CLASP1: variants seen among roughly 807,000 people sequenced by gnomAD.
CLASP1 encodes cytoplasmic linker associated protein 1.
CLASP1 carries 38 observed loss-of-function variants against 192.3 expected under a neutral mutation model. The ratio of observed to expected loss-of-function variants is 0.20; its 90% CI spans 0.15 to 0.26. CLASP1 has a LOEUF of 0.26. CLASP1 is among the 10% of genes least tolerant of loss of function. The pLI is 1.00. For missense variants in CLASP1, 1,433 were observed against 1,932.5 expected (o/e 0.74, Z 4.85); for synonymous variants, 691 against 712.8 (o/e 0.97, Z 0.49).
intron 6 of CLASP1, among the ~76,000 whole-genome samples, chr2:121,517,858 C>CTT (rs70954553): frequency 0.011 from 335 of 30,812 alleles, 30 homozygotes; most frequent in South Asian, 0.03. Context: ...AAGACTCAAG[C>CTT]TTTTTTTTTT....
At chr2:121,399,333 G>T (rs1280053117) in intron 28 of CLASP1, among the ~76,000 whole-genome samples, 1 of 152,166 alleles carries the variant, frequency 6.6e-6, no homozygotes, top group Non-Finnish European at 1.5e-5. Context: ...AATCTTTGAA[G>T]ATCTCTTCGG....
At chr2:121,407,979 A>AATC in intron 24 of CLASP1, 1 of 548,376 alleles carries the variant, frequency 1.8e-6, no homozygotes, top group Non-Finnish European at 3.4e-6. Context: ...AGACAGACAG[A>AATC]TCACAACCTT....
At chr2:121,476,971 T>C (rs529827094) in intron 8 of CLASP1, among the ~76,000 whole-genome samples, 35 of 152,386 alleles carry the variant, frequency 2.3e-4, no homozygotes, top group African/African-American at 7.2e-4. Flanking sequence ...GTTTCTGCTA[T>C]CTGCAATTCT....
chr2:121,381,550 A>G (rs766814080), intron 33 of CLASP1, among the ~76,000 whole-genome samples: 5 of 152,116 alleles, frequency 3.3e-5, no homozygotes, highest in Non-Finnish European at 7.3e-5. Flanking sequence ...CTTCTTCCAG[A>G]CTCATAACAT....
chr2:121,581,286 G>C (rs1432649729), intron 2 of CLASP1, among the ~76,000 whole-genome samples: 1 of 48,336 alleles, frequency 2.1e-5, no homozygotes, highest in African/African-American at 2.2e-4. Flanking sequence ...TTTTTTTTTT[G>C]AGATGGAGTC....
chr2:121,501,063 G>A (rs185756473), intron 8 of CLASP1, among the ~76,000 whole-genome samples: 8 of 152,252 alleles, frequency 5.3e-5, no homozygotes, highest in Non-Finnish European at 1.0e-4. Context: ...GGATCCCATA[G>A]GGTATATGTA....
chr2:121,447,447 T>C, exon 19 of CLASP1: 1 of 1,560,112 alleles, frequency 6.4e-7, no homozygotes, highest in Non-Finnish European at 8.7e-7. Flanking sequence ...CACATCAATA[T>C]CACTTCGAGA....
intron 2 of CLASP1, among the ~76,000 whole-genome samples, chr2:121,546,225 T>C (rs1026732468): frequency 6.6e-6 from 1 of 152,128 alleles, no homozygotes; most frequent in Non-Finnish European, 1.5e-5. Context: ...TGGAAATAAC[T>C]TGGCAGTTTC....
At chr2:121,480,016 A>G (rs1325341187) in intron 8 of CLASP1, among the ~76,000 whole-genome samples, 1 of 152,160 alleles carries the variant, frequency 6.6e-6, no homozygotes, top group Non-Finnish European at 1.5e-5. Context: ...GTGGAATGCA[A>G]TCACGTTCCA....
At chr2:121,625,559 C>G (rs941216267) in intron 1 of CLASP1, among the ~76,000 whole-genome samples, 1 of 151,288 alleles carries the variant, frequency 6.6e-6, no homozygotes. Flanking sequence ...CTCAGCCTCC[C>G]AAGTAGCTGG....
chr2:121,457,876 C>A, intron 13 of CLASP1, 119 bp from the exon 14 acceptor site: 3 of 638,254 alleles, frequency 4.7e-6, no homozygotes, highest in Admixed American at 3.2e-5. Flanking sequence ...ATTAGAATGT[C>A]AGTGAGTTTT....
At chr2:121,547,842 C>A (rs1575868957) in intron 2 of CLASP1, among the ~76,000 whole-genome samples, 2 of 152,126 alleles carry the variant, frequency 1.3e-5, no homozygotes, top group East Asian at 3.9e-4. Flanking sequence ...ACGTACCACC[C>A]TCTGAAACCA....
At chr2:121,368,540 A>G (rs1454200720) in intron 34 of CLASP1, among the ~76,000 whole-genome samples, 1 of 152,014 alleles carries the variant, frequency 6.6e-6, no homozygotes, top group Non-Finnish European at 1.5e-5. Context: ...TATCGACAAG[A>G]GCAAATCACT....
At chr2:121,366,177 G>A (rs992943942) in intron 35 of CLASP1, among the ~76,000 whole-genome samples, 2 of 152,092 alleles carry the variant, frequency 1.3e-5, no homozygotes, top group Non-Finnish European at 2.9e-5. Flanking sequence ...GTACACAGTT[G>A]GTGAATAACC....
chr2:121,363,092 T>C, intron 37 of CLASP1, 80 bp downstream of exon 38: 1 of 1,566,714 alleles, frequency 6.4e-7, no homozygotes, highest in Non-Finnish European at 8.7e-7. Context: ...TGTGCACTGA[T>C]TCTGATTCCT....
chr2:121,362,029 C>T (rs377022561), intron 37 of CLASP1, among the ~76,000 whole-genome samples: 2 of 152,186 alleles, frequency 1.3e-5, no homozygotes, highest in Non-Finnish European at 1.5e-5. Flanking sequence ...GTCACACAAA[C>T]GCCAAACAGA....
chr2:121,413,240 A>G (rs1204780565), intron 23 of CLASP1, among the ~76,000 whole-genome samples: 1 of 152,202 alleles, frequency 6.6e-6, no homozygotes, highest in Non-Finnish European at 1.5e-5. Flanking sequence ...AAGCCTGGGC[A>G]ACAGAGTAAG....
chr2:121,382,350 A>G (rs564879876), intron 32 of CLASP1, 26 bp from the exon 34 acceptor site: 7 of 1,436,488 alleles, frequency 4.9e-6, no homozygotes, highest in Middle Eastern at 3.6e-4. Context: ...GAGGAAAATC[A>G]GAGAGAGAAA....
Position 121,397,287 on chromosome 2 carries a change from A to T in CLASP1, c.2980-4T>A, listed in dbSNP as rs746797638. The T allele has an allele frequency of 1.9e-6, 3 of 1,612,252 alleles. No individual in the cohort carries two copies. The highest frequency in any genetic ancestry group is 2.2e-5 in the South Asian group (2 of 90,980). On this transcript the variant is annotated splice_region_variant and splice_polypyrimidine_tract_variant and intron_variant, in intron 29 of 39. Coordinates refer to ENST00000263710, the Ensembl canonical transcript of CLASP1. ...ATTTCAGGATTGCAACTTTGACCTG[A>T]AAGAACCAATAATTATAAACATTAA...
Sources: allele counts gnomAD v4.1 joint callset (sites outside exome capture counted in the v4.1 genomes callset), GRCh38; gene constraint gnomAD v4.1.1; transcripts MANE v1.5; gene names NCBI Gene and HGNC (gene_info 2026-07-23, HGNC 2026-07-21).